Variants in KCNH5 observed in about 807,000 individuals in gnomAD.
KCNH5 encodes the protein voltage-gated delayed rectifier potassium channel KCNH5.
KCNH5 carries 46 observed loss-of-function variants against 96.1 expected under a neutral mutation model. The ratio of observed to expected loss-of-function variants is 0.48; its 90% CI spans 0.38 to 0.61. The LOEUF (loss-of-function observed/expected upper bound fraction) is 0.61, where lower values mean the gene tolerates loss of function less well. Ranked by LOEUF, KCNH5 falls within the 20% of genes least tolerant of loss-of-function variation. KCNH5 has a pLI of 0.00. For synonymous variants in KCNH5, 439 were observed against 449.8 expected, an observed-to-expected ratio of 0.98 and a Z score of 0.30; for missense variants, 907 against 1,225.8, an observed-to-expected ratio of 0.74 and a Z score of 3.88.
chr14:62,923,742 G>C (rs974689589), intron 7 of KCNH5, among the ~76,000 whole-genome samples: 4 of 151,882 alleles, frequency 2.6e-5, no homozygotes, highest in African/African-American at 9.7e-5. Context: ...TCAATAAATT[G>C]TTTTGGGAAA....
rs1884486377 is a variant in KCNH5 at position 62,708,300 on chromosome 14, T to A, written c.2175A>T (p.Thr725=). The A allele has an allele frequency of 6.2e-7, 1 of 1,614,176 alleles. No individual in the cohort carries two copies. Among genetic ancestry groups the A allele is most frequent in the Non-Finnish European group, 8.5e-7 (1 of 1,180,032 alleles). ...QQKELRNQGS[T]QGDPERNQLQ... is the part of the protein sequence containing the mutation. Reference sequence around the variant, plus strand: ...GTTGGTTCCTCTCAGGGTCACCCTGTGTTGAGCCCTGATTCCGCAGCTCCT... The same window carrying A: ...GTTGGTTCCTCTCAGGGTCACCCTGAGTTGAGCCCTGATTCCGCAGCTCCT... Residue 725 remains threonine, a synonymous_variant, in exon 11 of 11, where the codon ACA becomes ACT. Coordinates refer to ENST00000322893, the MANE Select transcript of KCNH5 (RefSeq NM_139318.5).
At chr14:62,850,944 A>C (rs1431703402) in intron 7 of KCNH5, among the ~76,000 whole-genome samples, 1 of 152,198 alleles carries the variant, frequency 6.6e-6, no homozygotes, top group Non-Finnish European at 1.5e-5. Context: ...CTGTAAACAA[A>C]ATATAGACTG....
At chr14:62,852,784 C>T (rs1887833436) in intron 7 of KCNH5, among the ~76,000 whole-genome samples, 1 of 152,074 alleles carries the variant, frequency 6.6e-6, no homozygotes, top group Non-Finnish European at 1.5e-5. Context: ...AATGTGACAG[C>T]ATGTATGATA....
chr14:62,997,453 C>A (rs908733993), intron 4 of KCNH5, among the ~76,000 whole-genome samples: 8 of 152,160 alleles, frequency 5.3e-5, no homozygotes, highest in Admixed American at 6.5e-5. Context: ...TTTCTCTCTG[C>A]TGACTGGCAT....
At chr14:63,009,014 AAG>A (rs1168843779) in intron 2 of KCNH5, among the ~76,000 whole-genome samples, 3 of 152,164 alleles carry the variant, frequency 2.0e-5, no homozygotes, top group African/African-American at 7.2e-5. Context: ...CAATTAAACT[AAG>A]TAAATATTTG....
chr14:62,969,755 T>A (rs1890367682), intron 6 of KCNH5, among the ~76,000 whole-genome samples: 1 of 146,908 alleles, frequency 6.8e-6, no homozygotes. Context: ...AAAATAAAAT[T>A]AATTTTTTTT....
Position 62,705,135 on chromosome 14 carries a change from T to C in KCNH5, c.*2373A>G, listed in dbSNP as rs927311916. 1.3e-5 allele frequency: 2 copies of C among 151,988 alleles called. No homozygotes were observed. The highest frequency in any genetic ancestry group is 2.4e-5 in the African/African-American group (1 of 41,444). 9.4% of individuals were successfully genotyped at this position (151,988 alleles called of 1,614,324 possible). A position where few individuals can be genotyped will look rare whatever the true frequency, so the allele number is the denominator to read the frequency against. On this transcript the variant is annotated 3_prime_UTR_variant, in exon 11 of 11. Coordinates refer to ENST00000322893, the MANE Select transcript of KCNH5 (RefSeq NM_139318.5). ...TTATGTTTCTCACATATATGAACAA[T>C]AACATTGTAGGTCGATTAGGTGAAA...
chr14:62,868,757 A>G (rs187412045), intron 7 of KCNH5, among the ~76,000 whole-genome samples: 81 of 151,678 alleles, frequency 5.3e-4, no homozygotes, highest in African/African-American at 1.8e-3. Context: ...TCATTGTTCA[A>G]CTCCTACTTA....
At chr14:62,719,698 C>T (rs1369096063) in intron 10 of KCNH5, among the ~76,000 whole-genome samples, 1 of 152,202 alleles carries the variant, frequency 6.6e-6, no homozygotes, top group Non-Finnish European at 1.5e-5. Context: ...GGTTGAAGTA[C>T]GGCGCTGGGA....
chr14:62,758,978 C>T (rs1202953020), intron 10 of KCNH5, among the ~76,000 whole-genome samples: 3 of 152,194 alleles, frequency 2.0e-5, no homozygotes, highest in Non-Finnish European at 4.4e-5. Flanking sequence ...TTCCCAAGTT[C>T]TCTTCCATTT....
At chr14:62,843,806 G>A (rs1447314528) in intron 8 of KCNH5, among the ~76,000 whole-genome samples, 2 of 151,816 alleles carry the variant, frequency 1.3e-5, no homozygotes, top group African/African-American at 4.8e-5. Context: ...ATACCATCAC[G>A]GGAACCTCTT....
At chr14:62,761,244 A>T (rs1276781244) in intron 10 of KCNH5, among the ~76,000 whole-genome samples, 1 of 151,576 alleles carries the variant, frequency 6.6e-6, no homozygotes, top group Non-Finnish European at 1.5e-5. Flanking sequence ...AATCCCAGCT[A>T]CTCTGGAGGC....
At chr14:63,018,884 GA>G (rs1891376627) in intron 1 of KCNH5, among the ~76,000 whole-genome samples, 1 of 151,940 alleles carries the variant, frequency 6.6e-6, no homozygotes, top group Non-Finnish European at 1.5e-5. Context: ...GTAGGCAGTA[GA>G]AAAAGAAGTC....
intron 7 of KCNH5, among the ~76,000 whole-genome samples, chr14:62,931,115 A>G (rs1318545116): frequency 3.9e-5 from 6 of 152,104 alleles, no homozygotes; most frequent in African/African-American, 1.4e-4. Flanking sequence ...GAGGTTGTAT[A>G]TAACAGCAGA....
At chr14:62,819,943 C>T (rs1887079943) in intron 8 of KCNH5, among the ~76,000 whole-genome samples, 2 of 152,176 alleles carry the variant, frequency 1.3e-5, no homozygotes, top group Admixed American at 1.3e-4. Context: ...AGAAGAACAT[C>T]TCATGAGCCA....
intron 8 of KCNH5, among the ~76,000 whole-genome samples, chr14:62,808,792 CAATTGTGGCTTT>C (rs1886819092): frequency 6.6e-6 from 1 of 152,066 alleles, no homozygotes; most frequent in South Asian, 2.1e-4. Flanking sequence ...AGTTCCTTAT[CAATTGTGGCTTT>C]AATTGTGGCT....
intron 1 of KCNH5, among the ~76,000 whole-genome samples, chr14:63,024,175 C>T (rs1566545131): frequency 6.8e-6 from 1 of 146,328 alleles, no homozygotes; most frequent in Non-Finnish European, 1.5e-5. Flanking sequence ...TGCCACTGCA[C>T]TCCAGCCTGG....
Position 62,703,442 on chromosome 14 carries a change from T to G in KCNH5, c.*4066A>C, listed in dbSNP as rs1183434034. The G allele has an allele frequency of 6.6e-6, 1 of 151,892 alleles. No homozygotes were observed. The highest frequency in any genetic ancestry group is 1.5e-5 in the Non-Finnish European group (1 of 67,784). 9.4% of individuals were successfully genotyped at this position (151,892 alleles called of 1,614,324 possible). ...ATTTTCACCTGCAAGAAAGATAATT[T>G]TTTCATTGACCAATAGCATGTTGAT... On this transcript the variant is annotated 3_prime_UTR_variant, in exon 11 of 11. Coordinates refer to ENST00000322893, the MANE Select transcript of KCNH5 (RefSeq NM_139318.5).
chr14:62,768,041 A>G (rs1329935503), intron 10 of KCNH5, among the ~76,000 whole-genome samples: 2 of 152,118 alleles, frequency 1.3e-5, no homozygotes, highest in Non-Finnish European at 2.9e-5. Context: ...CATGATAGAC[A>G]TTAGAGACTT....
Sources: allele counts gnomAD v4.1 joint callset (sites outside exome capture counted in the v4.1 genomes callset), GRCh38; gene constraint gnomAD v4.1.1; transcripts MANE v1.5; gene names NCBI Gene and HGNC (gene_info 2026-07-23, HGNC 2026-07-21).